The following PCDHGB7 variants were observed in gnomAD, a reference collection of about 807,000 sequenced individuals.
PCDHGB7 encodes protocadherin gamma subfamily B, 7.
A neutral mutation model predicts 61.4 loss-of-function variants in PCDHGB7; 37 were observed. The observed-to-expected ratio is 0.60, with a 90% CI of 0.46 to 0.79. The LOEUF (loss-of-function observed/expected upper bound fraction) is 0.79. PCDHGB7 is among the 30% of genes least tolerant of loss of function. The pLI, the probability that PCDHGB7 is intolerant of heterozygous loss-of-function variation, is 0.00. For missense variants in PCDHGB7, 1,166 were observed against 1,202.5 expected (o/e 0.97, Z 0.45); for synonymous variants, 464 against 503.5 (o/e 0.92, Z 1.05).
At chr5:141,502,291 G>A (rs1346186675) in intron 2 of PCDHGB7, among the ~76,000 whole-genome samples, 1 of 151,370 alleles carries the variant, frequency 6.6e-6, no homozygotes, top group African/African-American at 2.5e-5. Context: ...GCATTTGGTT[G>A]TCACGTCTTT....
chr5:141,485,676 G>A lies in PCDHGB7; in HGVS notation c.2416-9131G>A. The A allele has an allele frequency of 6.2e-7, 1 of 1,612,928 alleles. No individual in the cohort carries two copies. The highest frequency in any genetic ancestry group is 2.2e-5 in the East Asian group (1 of 44,848). On this transcript the variant is annotated intron_variant, in intron 1 of 3. Coordinates refer to ENST00000398594, the MANE Select transcript of PCDHGB7 (RefSeq NM_018927.4). This position sits in a 1 kb window ranked among gnomAD's most constrained non-coding sequence, Gnocchi z 5.7. ...GCAGATGTGGGGAGCAATTCGATTA[G>A]CAGCTATAGGCTGAGCTCCAATGAA...
chr5:141,431,127 T>C lies in PCDHGB7; in HGVS notation c.2415+10853T>C, dbSNP rs1455709617. ...AAAATATATGGAGTAGAAGTAGAAG[T>C]AAGGGACATTAACGACAATGCGCCT... On this transcript the variant is annotated intron_variant, in intron 1 of 3. Transcript: ENST00000398594. This position sits in a 1 kb window ranked among gnomAD's most constrained non-coding sequence, Gnocchi z 4.8. 1 of 1,614,176 alleles carries C rather than the reference T, an allele frequency of 6.2e-7. No individual in the cohort carries two copies. Among genetic ancestry groups the C allele is most frequent in the East Asian group, 2.2e-5 (1 of 44,878 alleles).
At position 141,510,993 on chromosome 5, in the gene PCDHGB7, G is replaced by A. The variant is rs1457918073; in HGVS notation, c.2610G>A (p.Met870Ile). The A allele has an allele frequency of 4.3e-6, 7 of 1,614,046 alleles. No homozygotes were observed. Among genetic ancestry groups the A allele is most frequent in the African/African-American group, 1.3e-5 (1 of 74,906 alleles). ...CCCTGGGAGGGGGTGCCGGCACCAT[G>A]GGATTGAGCGCCCGCTACGGACCCC... ...SSTLGGGAGT[M>I]GLSARYGPQF... The change falls in exon 4 of 4, where the codon ATG (methionine) becomes ATA (isoleucine). Residue 870 changes from methionine to isoleucine, a missense_variant. Transcript: ENST00000398594.
chr5:141,441,665 A>C (rs994092543), intron 1 of PCDHGB7: 10 of 265,838 alleles, frequency 3.8e-5, no homozygotes, highest in African/African-American at 2.1e-4. Context: ...CCTTGAGCGC[A>C]CAGTGCGCCT....
chr5:141,438,617 TATATATATATATATATATACACAC>T (rs1311176771), intron 1 of PCDHGB7, among the ~76,000 whole-genome samples: 58 of 37,154 alleles, frequency 1.6e-3, no homozygotes, highest in African/African-American at 7.8e-3. Flanking sequence ...TATATATATA[TATATATATATATATATATACACAC>T]ACACACACAC....
intron 1 of PCDHGB7, chr5:141,428,009 A>G (rs778602169): frequency 3.7e-6 from 6 of 1,602,358 alleles, no homozygotes; most frequent in African/African-American, 2.7e-5. Context: ...TCTTCGATAT[A>G]GTGCCACGCG....
At position 141,431,413 on chromosome 5, in the gene PCDHGB7, C is replaced by A; in HGVS notation, c.2415+11139C>A. ...TGGTCCTTACGGCCTCCGACGGGGG[C>A]GACCCGGTGCGCACAGGCACCGCGC... On this transcript the variant is annotated intron_variant, in intron 1 of 3. Transcript: ENST00000398594. This position sits in a 1 kb window ranked among gnomAD's most constrained non-coding sequence, Gnocchi z 4.8. The A allele has an allele frequency of 6.2e-7, 1 of 1,613,682 alleles. No homozygotes were observed. Among genetic ancestry groups the A allele is most frequent in the Non-Finnish European group, 8.5e-7 (1 of 1,180,044 alleles).
intron 1 of PCDHGB7, chr5:141,428,311 G>A: frequency 3.0e-6 from 2 of 671,726 alleles, no homozygotes; most frequent in Non-Finnish European, 5.3e-6. Context: ...CCTGGTCGTG[G>A]CCTTGGCCTT....
chr5:141,455,627 A>G (rs1426625737), intron 1 of PCDHGB7, among the ~76,000 whole-genome samples: 2 of 152,104 alleles, frequency 1.3e-5, no homozygotes, highest in East Asian at 3.9e-4. Context: ...ACACGTGGAG[A>G]TATGTGGGGG....
In PCDHGB7 at chr5:141,505,466, T is replaced by C. The variant is rs763151131; in HGVS notation, c.2548T>C (p.Leu850=). 1 of 1,614,200 alleles carries C rather than the reference T, an allele frequency of 6.2e-7. No individual in the cohort carries two copies. The highest frequency in any genetic ancestry group is 1.3e-5 in the African/African-American group (1 of 75,068). The part of the protein sequence containing the change: ...FDTEMLQAMI[L]ASASEAADGS... Reference sequence around the variant, plus strand: ...CACAGAGATGCTGCAAGCCATGATCTTGGCGTCCGCCAGTGGTAAGTGGTG... The same window carrying C: ...CACAGAGATGCTGCAAGCCATGATCCTGGCGTCCGCCAGTGGTAAGTGGTG... The change falls in exon 3 of 4, where the codon TTG becomes CTG. Residue 850 remains leucine, a synonymous_variant. Transcript: ENST00000398594.
In PCDHGB7 at chr5:141,432,785, G is replaced by A. The variant is rs1356593437; in HGVS notation, c.2415+12511G>A. 2.5e-6 allele frequency: 4 copies of A among 1,613,992 alleles called. No individual in the cohort carries two copies. The African/African-American group carries it at 4.0e-5, about 16-fold the overall frequency. On this transcript the variant is annotated intron_variant, in intron 1 of 3. Transcript: ENST00000398594. The surrounding 1 kb of genome is among the most constrained non-coding windows in gnomAD (Gnocchi z 6.0). ...CATCCCCCAAGTCCTGGCGGACCTC[G>A]GCAGCCTCGAGTCTCCAGCTAACTC...
intron 1 of PCDHGB7, among the ~76,000 whole-genome samples, chr5:141,481,049 C>A (rs1165894624): frequency 1.3e-5 from 2 of 152,096 alleles, no homozygotes; most frequent in Non-Finnish European, 2.9e-5. Context: ...CAGAGCGAGA[C>A]TCCACCTCAA....
intron 1 of PCDHGB7, among the ~76,000 whole-genome samples, chr5:141,438,793 C>T (rs982191766): frequency 2.7e-5 from 4 of 149,544 alleles, no homozygotes; most frequent in African/African-American, 7.4e-5. Context: ...TCTCCAGTAG[C>T]TGGGATTACA....
chr5:141,452,641 CT>C (rs1351640847), intron 1 of PCDHGB7, among the ~76,000 whole-genome samples: 3 of 151,934 alleles, frequency 2.0e-5, no homozygotes, highest in Admixed American at 1.3e-4. Flanking sequence ...AATATATTTA[CT>C]CATTTGCTCC....
At chr5:141,423,192 C>T in intron 1 of PCDHGB7, 2 of 1,613,622 alleles carry the variant, frequency 1.2e-6, no homozygotes, top group African/African-American at 2.7e-5. Context: ...AGCCCCCTCT[C>T]TCGGCCACCG....
intron 1 of PCDHGB7, chr5:141,423,216 G>A (rs376530221): frequency 1.2e-6 from 2 of 1,613,632 alleles, no homozygotes; most frequent in African/African-American, 2.7e-5. Flanking sequence ...CGCTCACCGT[G>A]GCTGTGGCCG....
At chr5:141,430,771 G>A (rs772862341) in intron 1 of PCDHGB7, 37 of 1,506,734 alleles carry the variant, frequency 2.5e-5, no homozygotes, top group Non-Finnish European at 2.7e-5. Flanking sequence ...TGATTCCTGC[G>A]CGACTGCACC....
At position 141,477,781 on chromosome 5, in the gene PCDHGB7, A is replaced by G; in HGVS notation, c.2416-17026A>G. 6.2e-7 allele frequency: 1 copy of G among 1,614,036 alleles called. No homozygotes were observed. Among genetic ancestry groups the G allele is most frequent in the South Asian group, 1.1e-5 (1 of 91,090 alleles). Reference sequence around the variant, plus strand: ...TAGCCACCAACATCAGCGTGAACATATTTGTCACTGATCGCAATGACAATG... The same window carrying G: ...TAGCCACCAACATCAGCGTGAACATGTTTGTCACTGATCGCAATGACAATG... On this transcript the variant is annotated intron_variant, in intron 1 of 3. Coordinates refer to ENST00000398594, the MANE Select transcript of PCDHGB7 (RefSeq NM_018927.4). The surrounding 1 kb of genome is among the most constrained non-coding windows in gnomAD (Gnocchi z 4.9).
chr5:141,419,170 C>G lies in PCDHGB7; in HGVS notation c.1311C>G (p.Thr437=). ...RGKPPLSSSK[T]ITLHITDVND... ...AGCCTCCGTTATCCTCCAGCAAAAC[C>G]ATAACCCTGCACATTACTGACGTCA... The change falls in exon 1 of 4, where the codon ACC becomes ACG. Residue 437 remains threonine (T), a synonymous_variant. Coordinates refer to ENST00000398594, the MANE Select transcript of PCDHGB7 (RefSeq NM_018927.4). The G allele has an allele frequency of 6.2e-7, 1 of 1,613,966 alleles. No individual in the cohort carries two copies. The highest frequency in any genetic ancestry group is 1.1e-5 in the South Asian group (1 of 91,088).
Sources: gnomAD v4.1 joint callset for allele counts (sites outside exome capture counted in the v4.1 genomes callset) on GRCh38, gnomAD v4.1.1 for gene constraint, Gnocchi (gnomAD v3.1) non-coding constraint, MANE v1.5 for transcripts, NCBI Gene and HGNC (gene_info 2026-07-23, HGNC 2026-07-21) for gene names.